Variants in C8A observed in about 807,000 individuals in gnomAD.
C8A encodes the protein complement C8 alpha chain, also known as complement component C8 alpha chain.
C8A carries 67 observed loss-of-function variants against 65.3 expected under a neutral mutation model. The ratio of observed to expected loss-of-function variants is 1.03; its 90% CI spans 0.84 to 1.26. The LOEUF (loss-of-function observed/expected upper bound fraction) is 1.26, where lower values mean the gene tolerates loss of function less well. Ranked by LOEUF, C8A falls within the 50% of genes most tolerant of loss-of-function variation. C8A has a pLI of 0.00. For missense variants in C8A, 781 were observed against 723.9 expected, an observed-to-expected ratio of 1.08 and a Z score of -0.90; for synonymous variants, 290 against 259.4, an observed-to-expected ratio of 1.12 and a Z score of -1.13.
chr1:56,912,793 G>T (rs537473493), intron 10 of C8A, among the ~76,000 whole-genome samples, 168 bp downstream of exon 10: 1 of 152,186 alleles, frequency 6.6e-6, no homozygotes, highest in South Asian at 2.1e-4. Flanking sequence ...AGTGGTTCTT[G>T]TGCTTTGTCC....
At chr1:56,896,708 C>A (rs1218066690) in intron 7 of C8A, among the ~76,000 whole-genome samples, 1 of 152,144 alleles carries the variant, frequency 6.6e-6, no homozygotes, top group East Asian at 1.9e-4. Context: ...ATGAAATTAA[C>A]CATCATAGGA....
intron 5 of C8A, among the ~76,000 whole-genome samples, chr1:56,883,150 C>G (rs1447777130): frequency 6.6e-6 from 1 of 152,144 alleles, no homozygotes; most frequent in African/African-American, 2.4e-5. Context: ...AGCCTTCTCT[C>G]CTGGAAGGAT....
chr1:56,916,012 C>A (rs1423257122), intron 10 of C8A, among the ~76,000 whole-genome samples: 1 of 152,184 alleles, frequency 6.6e-6, no homozygotes, highest in African/African-American at 2.4e-5. Context: ...GAACCAGTGA[C>A]TTGCTAGGAT....
At chr1:56,893,192 A>T (rs185777268) in intron 7 of C8A, among the ~76,000 whole-genome samples, 130 of 152,252 alleles carry the variant, frequency 8.5e-4, no homozygotes, top group African/African-American at 2.9e-3. Context: ...AGAGATTGTC[A>T]TAACTACTTT....
chr1:56,857,010 A>T (rs1390379685), intron 1 of C8A, among the ~76,000 whole-genome samples: 1 of 151,978 alleles, frequency 6.6e-6, no homozygotes, highest in Non-Finnish European at 1.5e-5. Context: ...CAAGTTTCTA[A>T]TTTGCTTAGA....
chr1:56,912,792 T>C (rs960021044), intron 10 of C8A, among the ~76,000 whole-genome samples, 167 bp downstream of exon 10: 2 of 152,232 alleles, frequency 1.3e-5, no homozygotes, highest in Non-Finnish European at 2.9e-5. Flanking sequence ...TAGTGGTTCT[T>C]GTGCTTTGTC....
At position 56,876,142 on chromosome 1, in the gene C8A, G is replaced by A; in HGVS notation, c.397G>A (p.Val133Ile). ...CTCTGATGAGGACGACTGTGAAGAT[G>A]TCAGGGCCATTGACGAAGACTGCAG... ...DGSDEDDCED[V>I]RAIDEDCSQY... is the part of the protein sequence containing the mutation. Residue 133 changes from valine (V) to isoleucine (I), a missense_variant, in exon 4 of 11, where the codon GTC becomes ATC. Val to Ile is a conservative substitution (Grantham distance 29, BLOSUM62 3). Transcript: ENST00000361249. 6.2e-7 allele frequency: 1 copy of A among 1,613,968 alleles called. No homozygotes were observed. The highest frequency in any genetic ancestry group is 8.5e-7 in the Non-Finnish European group (1 of 1,179,896).
intron 4 of C8A, among the ~76,000 whole-genome samples, chr1:56,879,529 A>T (rs1188216837): frequency 1.3e-5 from 2 of 152,218 alleles, no homozygotes; most frequent in Non-Finnish European, 2.9e-5. Context: ...TACAGGCAGA[A>T]ACATGTTCAA....
At chr1:56,912,738 C>G in intron 10 of C8A, 113 bp downstream of exon 10, 1 of 901,468 alleles carries the variant, frequency 1.1e-6, no homozygotes, top group Non-Finnish European at 1.8e-6. Flanking sequence ...CTAGCCAATA[C>G]CTAGGAGCCA....
chr1:56,869,125 G>A (rs774845901), intron 2 of C8A, among the ~76,000 whole-genome samples: 3 of 152,106 alleles, frequency 2.0e-5, no homozygotes, highest in Non-Finnish European at 2.9e-5. Flanking sequence ...CATCACCTGA[G>A]CAGTGTACAC....
chr1:56,858,412 C>A (rs1353791792), intron 1 of C8A, among the ~76,000 whole-genome samples: 1 of 152,074 alleles, frequency 6.6e-6, no homozygotes, highest in Non-Finnish European at 1.5e-5. Flanking sequence ...AAATTTTCAA[C>A]CCAATATTTC....
At chr1:56,906,524 A>G in intron 7 of C8A, 143 bp from the exon 8 acceptor site, 2 of 880,998 alleles carry the variant, frequency 2.3e-6, no homozygotes, top group Non-Finnish European at 3.7e-6. Flanking sequence ...GAAAACTGAA[A>G]TTGGATTAAA....
chr1:56,894,552 C>A, intron 7 of C8A, among the ~76,000 whole-genome samples: 1 of 152,134 alleles, frequency 6.6e-6, no homozygotes, highest in South Asian at 2.1e-4. Context: ...TCATCTTATT[C>A]CAGTCAGGGC....
chr1:56,864,044 G>C (rs968574866), intron 1 of C8A, among the ~76,000 whole-genome samples: 35 of 152,296 alleles, frequency 2.3e-4, no homozygotes, highest in African/African-American at 8.2e-4. Context: ...CATTCATAGA[G>C]CCTAGAATCT....
chr1:56,873,912 C>T (rs980741966), intron 2 of C8A, among the ~76,000 whole-genome samples: 11 of 152,164 alleles, frequency 7.2e-5, no homozygotes, highest in East Asian at 1.9e-4. Flanking sequence ...CCTTCTTCTA[C>T]GCTAGTGCCT....
chr1:56,910,846 C>T (rs1321146579), intron 9 of C8A, among the ~76,000 whole-genome samples: 5 of 152,172 alleles, frequency 3.3e-5, no homozygotes, highest in South Asian at 2.1e-4. Context: ...GTGCGACTAC[C>T]GTAATGTGGC....
intron 7 of C8A, among the ~76,000 whole-genome samples, chr1:56,888,634 A>G (rs116838730): frequency 1.4e-3 from 209 of 152,340 alleles, no homozygotes; most frequent in Admixed American, 2.0e-3. Context: ...GTATCGTGTC[A>G]TGATGCAAAA....
chr1:56,885,273 A>AATATATATTTACATAAATATATATTTAT (rs1644280648), intron 6 of C8A, among the ~76,000 whole-genome samples: 1 of 131,590 alleles, frequency 7.6e-6, no homozygotes, highest in African/African-American at 3.3e-5. Flanking sequence ...TTTATATATA[A>AATATATATTTACATAAATATATATTTAT]ATATATATTT....
At chr1:56,869,486 A>G (rs1183240980) in intron 2 of C8A, among the ~76,000 whole-genome samples, 1 of 152,192 alleles carries the variant, frequency 6.6e-6, no homozygotes, top group African/African-American at 2.4e-5. Context: ...AACATGTATT[A>G]CAGTCTCTTT....
Sources: allele counts gnomAD v4.1 joint callset (sites outside exome capture counted in the v4.1 genomes callset), GRCh38; gene constraint gnomAD v4.1.1; transcripts MANE v1.5; gene names NCBI Gene and HGNC (gene_info 2026-07-23, HGNC 2026-07-21).